Variants in GALNT14 observed in about 807,000 individuals in gnomAD.
The protein encoded by GALNT14 is UDP-GalNAc:polypeptide N-acetylgalactosaminyltransferase 14.
A neutral mutation model predicts 77.5 loss-of-function variants in GALNT14; 60 were observed. The ratio of observed to expected loss-of-function variants is 0.77; its 90% confidence interval spans 0.63 to 0.96. GALNT14 has a LOEUF of 0.96. GALNT14 is among the 40% of genes least tolerant of loss of function. The pLI is 0.00. For synonymous variants in GALNT14, 280 were observed against 281.7 expected, an observed-to-expected ratio of 0.99 and a Z score of 0.06; for missense variants, 710 against 731.0, an observed-to-expected ratio of 0.97 and a Z score of 0.33.
chr2:30,958,665 C>T (rs1667510121), intron 3 of GALNT14, among the ~76,000 whole-genome samples: 1 of 152,100 alleles, frequency 6.6e-6, no homozygotes, highest in Non-Finnish European at 1.5e-5. Context: ...CTCCACCACC[C>T]GCAAAGCCAC....
chr2:30,899,399 G>A, the GALNT14 span, among the ~76,000 whole-genome samples: 145 of 152,296 alleles, frequency 9.5e-4, no homozygotes, highest in African/African-American at 3.1e-3. Context: ...GGCACTCACC[G>A]CTCCTTGCTG....
Position 31,019,517 on chromosome 2 carries a change from C to T in GALNT14, c.130-26510G>A, listed in dbSNP as rs181446653. 4.3e-4 allele frequency among the ~76,000 whole-genome samples: 65 copies of T among 152,262 alleles called. No homozygotes were observed. In the East Asian group the frequency reaches 0.012, roughly 28 times the overall value. ...TGTGCTCTGCAGGGCCTCAGCTAAGCAGAAGAACACGGGTCCACCACACAG... is the reference window on the plus strand; with the variant it reads ...TGTGCTCTGCAGGGCCTCAGCTAAGTAGAAGAACACGGGTCCACCACACAG... On this transcript the variant is annotated intron_variant, in intron 1 of 14. Transcript: ENST00000349752.
intron 1 of GALNT14, among the ~76,000 whole-genome samples, chr2:31,013,820 C>CCATAGAG (rs1481644988): frequency 6.6e-6 from 1 of 152,156 alleles, no homozygotes; most frequent in Admixed American, 6.5e-5. Flanking sequence ...AGCAGAAGAA[C>CCATAGAG]CAGTAGAGCA....
At chr2:31,114,743 C>T (rs745414774) in intron 1 of GALNT14, 3 of 716,258 alleles carry the variant, frequency 4.2e-6, no homozygotes, top group Non-Finnish European at 7.8e-6. Flanking sequence ...AAGAATTTAC[C>T]TGACTTGAAG....
At chr2:30,989,717 G>GTA (rs72068647) in intron 2 of GALNT14, among the ~76,000 whole-genome samples, 28 of 139,054 alleles carry the variant, frequency 2.0e-4, no homozygotes, top group Middle Eastern at 3.7e-3. Flanking sequence ...ATATATATTA[G>GTA]TATATATATA....
chr2:31,052,503 G>T (rs4952045), intron 1 of GALNT14, among the ~76,000 whole-genome samples: 48,122 of 152,076 alleles, frequency 0.32, 8,476 homozygotes, highest in Admixed American at 0.46. Context: ...TGCTCCCCAC[G>T]GAAGCCTGGC....
At chr2:31,024,316 T>A (rs1462558885) in intron 1 of GALNT14, among the ~76,000 whole-genome samples, 1 of 152,018 alleles carries the variant, frequency 6.6e-6, no homozygotes, top group Admixed American at 6.6e-5. Flanking sequence ...TCACATCACA[T>A]CTTGGCTCAA....
intron 10 of GALNT14, 56 bp from the exon 11 acceptor site, chr2:30,929,543 G>T: frequency 3.1e-6 from 4 of 1,291,240 alleles, no homozygotes; most frequent in African/African-American, 1.5e-5. Flanking sequence ...GAGAGGCCCT[G>T]TGAGTGCCAG....
chr2:31,007,942 C>T (rs1047099615), intron 1 of GALNT14, among the ~76,000 whole-genome samples: 7 of 152,288 alleles, frequency 4.6e-5, no homozygotes, highest in Admixed American at 3.9e-4. Context: ...ATCCAAAGCT[C>T]TCTGGCCCAC....
chr2:31,129,108 G>T (rs896491211), intron 1 of GALNT14, among the ~76,000 whole-genome samples: 3 of 152,142 alleles, frequency 2.0e-5, no homozygotes, highest in Non-Finnish European at 4.4e-5. Flanking sequence ...CCTGGCAAAG[G>T]AATCTCACCT....
At chr2:30,972,753 A>C (rs1232339578) in intron 2 of GALNT14, among the ~76,000 whole-genome samples, 1 of 152,162 alleles carries the variant, frequency 6.6e-6, no homozygotes, top group Non-Finnish European at 1.5e-5. Flanking sequence ...CCACCCGAAG[A>C]GGCGGTTTCT....
intron 9 of GALNT14, among the ~76,000 whole-genome samples, chr2:30,936,536 A>C (rs544021769): frequency 2.0e-5 from 3 of 152,232 alleles, no homozygotes; most frequent in East Asian, 3.9e-4. Context: ...CCAAGTTTAA[A>C]CCTCTGTCTG....
intron 13 of GALNT14, among the ~76,000 whole-genome samples, chr2:30,919,414 G>A (rs1048576661): frequency 6.6e-6 from 1 of 152,126 alleles, no homozygotes; most frequent in African/African-American, 2.4e-5. Context: ...AGAACCAGAG[G>A]ACAAAACAGT....
chr2:31,021,549 AC>A (rs1221769058), intron 1 of GALNT14, among the ~76,000 whole-genome samples: 1 of 151,824 alleles, frequency 6.6e-6, no homozygotes, highest in Non-Finnish European at 1.5e-5. Context: ...CAGGTGATCC[AC>A]CCACCTCAGC....
chr2:31,035,585 G>GTGTGTGTGTGTA (rs1277000855), intron 1 of GALNT14, among the ~76,000 whole-genome samples: 1 of 134,704 alleles, frequency 7.4e-6, no homozygotes, highest in Non-Finnish European at 1.6e-5. Context: ...GTGTGTGTGT[G>GTGTGTGTGTGTA]TATACATATA....
At chr2:30,896,207 T>C in the GALNT14 span, among the ~76,000 whole-genome samples, 1 of 152,264 alleles carries the variant, frequency 6.6e-6, no homozygotes, top group Non-Finnish European at 1.5e-5. Context: ...CCATGATGAA[T>C]GACTCTGAGT....
At chr2:30,936,022 C>T (rs151323193) in intron 9 of GALNT14, among the ~76,000 whole-genome samples, 99 of 152,226 alleles carry the variant, frequency 6.5e-4, no homozygotes, top group African/African-American at 2.3e-3. Flanking sequence ...ACATAATCTC[C>T]CTGGTGATGA....
chr2:30,921,748 C>A (rs139966140), intron 13 of GALNT14, among the ~76,000 whole-genome samples: 79 of 152,018 alleles, frequency 5.2e-4, no homozygotes, highest in African/African-American at 1.9e-3. Flanking sequence ...CCCAGTGGCT[C>A]CCAACTGGCA....
chr2:30,989,723 A>G (rs1669572764), intron 2 of GALNT14, among the ~76,000 whole-genome samples: 1 of 144,870 alleles, frequency 6.9e-6, no homozygotes, highest in South Asian at 2.1e-4. Flanking sequence ...ATTAGTATAT[A>G]TATATATTAT....
Sources: gnomAD v4.1 joint callset for allele counts (sites outside exome capture counted in the v4.1 genomes callset) on GRCh38, gnomAD v4.1.1 for gene constraint, MANE v1.5 for transcripts, NCBI Gene and HGNC (gene_info 2026-07-23, HGNC 2026-07-21) for gene names.